Variants in APBB1IP observed in about 807,000 individuals in gnomAD.
The protein encoded by APBB1IP is amyloid beta precursor protein binding family B member 1 interacting protein, also known as amyloid beta A4 precursor protein-binding family B member 1-interacting protein.
A neutral mutation model predicts 64.9 loss-of-function variants in APBB1IP; 27 were observed. That is an observed-to-expected ratio of 0.42 (90% CI 0.31 to 0.57). The LOEUF (loss-of-function observed/expected upper bound fraction) is 0.57, where lower values mean the gene tolerates loss of function less well. APBB1IP is among the 20% of genes least tolerant of loss of function. The pLI is 0.20. For synonymous variants in APBB1IP, 392 were observed against 331.0 expected (o/e 1.18, Z -2.00); for missense variants, 812 against 845.5 (o/e 0.96, Z 0.49).
In APBB1IP at chr10:26,501,070, G is replaced by C; in HGVS notation, c.412G>C (p.Asp138His). ...ACCTCCACCAGCCGATCCTGTGTTA[G>C]ACCTTCCACTGCCACCACCACCTCC... ...LPPPPADPVL[D>H]LPLPPPPPEP... is the part of the protein sequence containing the mutation. Residue 138 changes from aspartate to histidine, a missense_variant, in exon 5 of 15, where the codon GAC becomes CAC. Transcript: ENST00000376236. The C allele has an allele frequency of 6.2e-7, 1 of 1,614,162 alleles. No homozygotes were observed. The highest frequency in any genetic ancestry group is 8.5e-7 in the Non-Finnish European group (1 of 1,180,026).
intron 10 of APBB1IP, among the ~76,000 whole-genome samples, chr10:26,541,145 T>G (rs1836691483): frequency 1.3e-5 from 2 of 152,158 alleles, no homozygotes; most frequent in Admixed American, 1.3e-4. Context: ...GTGGCACCGA[T>G]TTTCATGGCT....
At chr10:26,511,186 G>A (rs1047543462) in intron 6 of APBB1IP, among the ~76,000 whole-genome samples, 2 of 151,646 alleles carry the variant, frequency 1.3e-5, no homozygotes, top group Non-Finnish European at 2.9e-5. Flanking sequence ...ACTGGAAAAA[G>A]AAAAAAAATT....
At chr10:26,452,442 T>C (rs1246935154) in intron 2 of APBB1IP, among the ~76,000 whole-genome samples, 2 of 152,206 alleles carry the variant, frequency 1.3e-5, no homozygotes, top group African/African-American at 2.4e-5. Context: ...GGAGACACCA[T>C]CACAAACATA....
intron 6 of APBB1IP, among the ~76,000 whole-genome samples, chr10:26,506,159 C>G (rs1836173232): frequency 1.3e-5 from 2 of 150,098 alleles, no homozygotes; most frequent in African/African-American, 4.9e-5. Context: ...GAGGCCTTTC[C>G]TATCTAACAC....
At chr10:26,554,251 T>G (rs1183904796) in intron 11 of APBB1IP, among the ~76,000 whole-genome samples, 1 of 152,216 alleles carries the variant, frequency 6.6e-6, no homozygotes, top group East Asian at 1.9e-4. Flanking sequence ...ACTAGATAAC[T>G]TCACAGAAAT....
rs71521689 is a variant in APBB1IP at position 26,536,222 on chromosome 10, GAAAAA to G, written c.1044+17_1044+21del. The G allele has an allele frequency of 3.3e-5, 45 of 1,353,260 alleles. No individual in the cohort carries two copies. Among genetic ancestry groups the G allele is most frequent in the Middle Eastern group, 2.7e-4 (1 of 3,638 alleles). The allele number at this position is 1,353,260 out of a possible 1,614,324, so 83.8% of individuals were successfully genotyped here. On this transcript the variant is annotated splice_donor_region_variant and intron_variant, in intron 10 of 14. Transcript: ENST00000376236. ...GTACCCAAAGGAAAGACTAAGGTCA[GAAAAA>G]AAAAAAAAAAAGCACTTAGCAATAA...
At chr10:26,485,532 A>G (rs1835881046) in intron 2 of APBB1IP, among the ~76,000 whole-genome samples, 3 of 152,378 alleles carry the variant, frequency 2.0e-5, no homozygotes, top group Non-Finnish European at 4.4e-5. Context: ...GTTTTCTAAG[A>G]GATTCTATAA....
intron 4 of APBB1IP, among the ~76,000 whole-genome samples, chr10:26,496,993 G>A (rs1836033215): frequency 6.6e-6 from 1 of 151,890 alleles, no homozygotes; most frequent in African/African-American, 2.4e-5. Context: ...TTTGAAACCA[G>A]CCTGGACAAC....
At chr10:26,538,453 CAACATGGTGA>C (rs1435442701) in intron 10 of APBB1IP, among the ~76,000 whole-genome samples, 1 of 151,704 alleles carries the variant, frequency 6.6e-6, no homozygotes, top group Non-Finnish European at 1.5e-5. Flanking sequence ...CCAGCCTGTC[CAACATGGTGA>C]AACCCCATCT....
chr10:26,534,440 A>G (rs1404832058), intron 9 of APBB1IP, among the ~76,000 whole-genome samples: 2 of 151,944 alleles, frequency 1.3e-5, no homozygotes, highest in Non-Finnish European at 1.5e-5. Flanking sequence ...CCTTTTCCTG[A>G]GTTAGTAAAT....
chr10:26,562,546 T>A, intron 14 of APBB1IP, 117 bp downstream of exon 14: 2 of 798,184 alleles, frequency 2.5e-6, no homozygotes, highest in South Asian at 3.2e-5. Context: ...ACACCTGTAA[T>A]CCCAGAACTT....
chr10:26,535,024 T>C (rs1344718595), intron 9 of APBB1IP, among the ~76,000 whole-genome samples: 3 of 152,178 alleles, frequency 2.0e-5, no homozygotes, highest in Non-Finnish European at 1.5e-5. Context: ...TTTGCATTTA[T>C]GGAACTAAAT....
At position 26,567,652 on chromosome 10, in the gene APBB1IP, C is replaced by G. The variant is rs1409773297; in HGVS notation, c.*164C>G. On this transcript the variant is annotated 3_prime_UTR_variant, in exon 15 of 15. Transcript: ENST00000376236. ...GCATAACCATTAACCCAGTAGAGTTCAGAATATCTGCCCAAATGTACATAT... is the reference window on the plus strand; with the variant it reads ...GCATAACCATTAACCCAGTAGAGTTGAGAATATCTGCCCAAATGTACATAT... The G allele has an allele frequency of 7.3e-7, 1 of 1,377,044 alleles. No individual in the cohort carries two copies. The highest frequency in any genetic ancestry group is 1.5e-5 in the African/African-American group (1 of 66,858). The allele number at this position is 1,377,044 out of a possible 1,614,324, so 85.3% of individuals were successfully genotyped here. A position where few individuals can be genotyped will look rare whatever the true frequency, so the allele number is the denominator to read the frequency against.
intron 2 of APBB1IP, among the ~76,000 whole-genome samples, chr10:26,460,857 T>G (rs1476938955): frequency 1.3e-5 from 2 of 152,106 alleles, no homozygotes; most frequent in Non-Finnish European, 2.9e-5. Flanking sequence ...GGGTAAAAGC[T>G]CACTGCTGCC....
intron 3 of APBB1IP, 57 bp downstream of exon 3, chr10:26,492,455 C>A: frequency 6.6e-7 from 1 of 1,523,894 alleles, no homozygotes; most frequent in South Asian, 1.1e-5. Context: ...TGCAGAATTT[C>A]ATTGTAATAT....
chr10:26,523,310 C>T (rs1454261755), intron 8 of APBB1IP, among the ~76,000 whole-genome samples: 1 of 152,136 alleles, frequency 6.6e-6, no homozygotes, highest in African/African-American at 2.4e-5. Context: ...TCTTTTCATC[C>T]ATTAGCTGAC....
chr10:26,449,656 G>A (rs1835443021), intron 2 of APBB1IP, among the ~76,000 whole-genome samples: 1 of 152,130 alleles, frequency 6.6e-6, no homozygotes, highest in Non-Finnish European at 1.5e-5. Flanking sequence ...AATCATTACT[G>A]CCAATGTGAT....
chr10:26,454,614 C>CA (rs1351013928), intron 2 of APBB1IP, among the ~76,000 whole-genome samples: 1 of 151,676 alleles, frequency 6.6e-6, no homozygotes, highest in Non-Finnish European at 1.5e-5. Flanking sequence ...TTAATGGGTC[C>CA]AAAAAAACCA....
chr10:26,474,168 G>A (rs1365048981), intron 2 of APBB1IP, among the ~76,000 whole-genome samples: 1 of 152,124 alleles, frequency 6.6e-6, no homozygotes, highest in Non-Finnish European at 1.5e-5. Context: ...CGTGGGCTGT[G>A]GTAGATTGAG....
Sources: allele counts gnomAD v4.1 joint callset (sites outside exome capture counted in the v4.1 genomes callset), GRCh38; gene constraint gnomAD v4.1.1; transcripts MANE v1.5; gene names NCBI Gene and HGNC (gene_info 2026-07-23, HGNC 2026-07-21).